The following PTPRT variants were observed in gnomAD, a reference collection of about 807,000 sequenced individuals.
PTPRT encodes the protein protein tyrosine phosphatase receptor type T.
Under a neutral mutation model 176.8 loss-of-function variants are expected in PTPRT, and 56 were observed. The ratio of observed to expected loss-of-function variants is 0.32; its 90% CI spans 0.26 to 0.40. The LOEUF is 0.40. PTPRT is among the 10% of genes least tolerant of loss of function. The probability of loss-of-function intolerance (pLI) is 1.00; values close to 1 mark genes in which losing one functional copy is unlikely to be tolerated. For missense variants in PTPRT, 1,540 were observed against 1,908.2 expected (o/e 0.81, Z 3.60); for synonymous variants, 783 against 739.0 (o/e 1.06, Z -0.96).
intron 7 of PTPRT, among the ~76,000 whole-genome samples, chr20:42,489,008 TTGTGTG>T (rs56267962): frequency 0.15 from 20,123 of 130,942 alleles, 1,669 homozygotes; most frequent in South Asian, 0.22. Flanking sequence ...TCAACCAAGT[TTGTGTG>T]TGTGTGTGTG....
intron 16 of PTPRT, among the ~76,000 whole-genome samples, chr20:42,171,503 T>C (rs1429028717): frequency 6.6e-6 from 1 of 152,180 alleles, no homozygotes; most frequent in African/African-American, 2.4e-5. Context: ...TCATAATGGA[T>C]ATTCAATGTG....
At chr20:42,851,718 T>C (rs910655649) in intron 2 of PTPRT, among the ~76,000 whole-genome samples, 5 of 152,232 alleles carry the variant, frequency 3.3e-5, no homozygotes, top group African/African-American at 1.2e-4. Context: ...AACTACTCAG[T>C]TCTGCCATGG....
Position 42,772,157 on chromosome 20 carries a change from G to A in PTPRT, c.569-607C>T, listed in dbSNP as rs566827265. ...GAAGATGATGAGGAAGACAAAGAGCGGAAGAGGGAGGAAAAGGGAAGGAAA... is the reference window on the plus strand; with the variant it reads ...GAAGATGATGAGGAAGACAAAGAGCAGAAGAGGGAGGAAAAGGGAAGGAAA... On this transcript the variant is annotated intron_variant, in intron 4 of 30. Coordinates refer to ENST00000373187, the MANE Select transcript of PTPRT (RefSeq NM_007050.6). Among the ~76,000 whole-genome samples, 30 of 152,280 alleles carry A rather than the reference G, an allele frequency of 2.0e-4. No individual in the cohort carries two copies. In the East Asian group the frequency reaches 4.2e-3, roughly 22 times the overall value.
At chr20:42,940,904 A>C (rs1331430723) in intron 1 of PTPRT, among the ~76,000 whole-genome samples, 1 of 151,790 alleles carries the variant, frequency 6.6e-6, no homozygotes, top group African/African-American at 2.4e-5. Flanking sequence ...ATAAGGTGAA[A>C]CCCCACCTCT....
chr20:42,633,787 ATATATATATATATAT>A (rs1569037049), intron 7 of PTPRT, among the ~76,000 whole-genome samples: 10 of 11,564 alleles, frequency 8.6e-4, no homozygotes, highest in Admixed American at 2.1e-3. Flanking sequence ...CTCTGAAAAT[ATATATATATATATAT>A]ATATATATAT....
At chr20:42,548,867 C>A (rs1351174407) in intron 7 of PTPRT, among the ~76,000 whole-genome samples, 1 of 152,044 alleles carries the variant, frequency 6.6e-6, no homozygotes, top group Non-Finnish European at 1.5e-5. Context: ...ACTGATGCTC[C>A]AACTCATTAG....
intron 1 of PTPRT, among the ~76,000 whole-genome samples, chr20:42,994,064 T>C (rs2146114262): frequency 6.6e-6 from 1 of 152,278 alleles, no homozygotes; most frequent in East Asian, 1.9e-4. Context: ...ATTCTTTGGA[T>C]TATAATTTAA....
intron 7 of PTPRT, among the ~76,000 whole-genome samples, chr20:42,491,218 T>G (rs2071557207): frequency 6.6e-6 from 1 of 152,174 alleles, no homozygotes; most frequent in Non-Finnish European, 1.5e-5. Context: ...GTATTTTCTT[T>G]TCTTGTATTC....
At chr20:42,289,393 C>A (rs1178151908) in intron 12 of PTPRT, among the ~76,000 whole-genome samples, 2 of 151,912 alleles carry the variant, frequency 1.3e-5, no homozygotes, top group Non-Finnish European at 2.9e-5. Context: ...TGACAGTGGA[C>A]TAGTATCCAG....
Position 42,197,334 on chromosome 20 carries a change from G to A in PTPRT, c.2491+1906C>T, listed in dbSNP as rs570327463. On this transcript the variant is annotated intron_variant, in intron 16 of 30. Transcript: ENST00000373187. The stretch of plus-strand genomic sequence containing the variant: ...GCGGAGCTTGCAGTGAGCAGAGATC[G>A]CACCACTGCACTCCCTCCTGGGTGA... 1.6e-4 allele frequency among the ~76,000 whole-genome samples: 19 copies of A among 122,456 alleles called. No homozygotes were observed. The South Asian group carries it at 1.9e-3, about 12-fold the overall frequency. The allele number at this position is 122,456 out of a possible 152,430, so 80.3% of individuals were successfully genotyped here.
At position 42,885,869 on chromosome 20, in the gene PTPRT, C is replaced by G. The variant is rs2079093641; in HGVS notation, c.152G>C (p.Gly51Ala). 1 of 1,610,850 alleles carries G rather than the reference C, an allele frequency of 6.2e-7. No homozygotes were observed. The highest frequency in any genetic ancestry group is 8.5e-7 in the Non-Finnish European group (1 of 1,178,050). Reference protein sequence around the residue: ...CGYSVALGTNGFTWEQINTWE... With the variant: ...CGYSVALGTNAFTWEQINTWE... ...TGTGTTAATCTGCTCCCAGGTGAAC[C>G]CATTGGTCCCTAGAGCCACACTATA... The change falls in exon 2 of 31, where the codon GGG becomes GCG. Residue 51 changes from glycine to alanine, a missense_variant. Coordinates refer to ENST00000373187, the MANE Select transcript of PTPRT (RefSeq NM_007050.6).
At chr20:43,056,612 G>A (rs889717768) in intron 1 of PTPRT, among the ~76,000 whole-genome samples, 1 of 152,136 alleles carries the variant, frequency 6.6e-6, no homozygotes, top group Non-Finnish European at 1.5e-5. Context: ...TTCTGGGGGG[G>A]TGTTATTCAT....
intron 1 of PTPRT, among the ~76,000 whole-genome samples, chr20:43,075,376 G>C (rs2011248610): frequency 6.6e-6 from 1 of 152,260 alleles, no homozygotes; most frequent in African/African-American, 2.4e-5. Flanking sequence ...CGAGAGCTCC[G>C]CAGAGCGCTG....
chr20:42,967,263 G>C (rs1982352413), intron 1 of PTPRT, among the ~76,000 whole-genome samples: 1 of 151,976 alleles, frequency 6.6e-6, no homozygotes, highest in Non-Finnish European at 1.5e-5. Flanking sequence ...TTGGAAAACG[G>C]GTCTTAGCAG....
intron 2 of PTPRT, among the ~76,000 whole-genome samples, chr20:42,883,699 C>A: frequency 6.8e-6 from 1 of 147,684 alleles, no homozygotes. Flanking sequence ...ACACACCTCC[C>A]ATACACCCCC....
At chr20:42,936,755 G>A (rs1166457261) in intron 1 of PTPRT, among the ~76,000 whole-genome samples, 1 of 152,192 alleles carries the variant, frequency 6.6e-6, no homozygotes, top group African/African-American at 2.4e-5. Flanking sequence ...AGGATTTGCT[G>A]ATGGGTTAGA....
chr20:42,263,242 C>T (rs894069842), intron 13 of PTPRT, among the ~76,000 whole-genome samples: 5 of 151,876 alleles, frequency 3.3e-5, no homozygotes, highest in Non-Finnish European at 7.4e-5. Flanking sequence ...TTTTTTGAGA[C>T]TGGGTCTTGC....
chr20:43,140,479 T>C (rs2013970158), intron 1 of PTPRT, among the ~76,000 whole-genome samples: 1 of 132,024 alleles, frequency 7.6e-6, no homozygotes, highest in South Asian at 2.4e-4. Context: ...TGTGTGTGTG[T>C]GTGTGTGTGT....
chr20:42,313,818 T>G (rs1349069371), intron 12 of PTPRT, among the ~76,000 whole-genome samples: 1 of 152,178 alleles, frequency 6.6e-6, no homozygotes, highest in Non-Finnish European at 1.5e-5. Flanking sequence ...TGGAAGGCAG[T>G]CTGGCAGCTT....
Sources: gnomAD v4.1 joint callset for allele counts (sites outside exome capture counted in the v4.1 genomes callset) on GRCh38, gnomAD v4.1.1 for gene constraint, MANE v1.5 for transcripts, NCBI Gene and HGNC (gene_info 2026-07-23, HGNC 2026-07-21) for gene names.